Variants in AXDND1 observed in about 807,000 individuals in gnomAD.
The protein encoded by AXDND1 is axonemal dynein light chain domain containing 1.
A neutral mutation model predicts 137.5 loss-of-function variants in AXDND1; 110 were observed. The observed-to-expected ratio is 0.80, with a 90% CI of 0.69 to 0.94. The LOEUF (loss-of-function observed/expected upper bound fraction) is 0.94. Ranked by LOEUF, AXDND1 falls within the 40% of genes least tolerant of loss-of-function variation. The pLI is 0.00. For missense variants in AXDND1, 1,191 were observed against 1,169.8 expected (o/e 1.02, Z -0.26); for synonymous variants, 414 against 399.7 (o/e 1.04, Z -0.43).
Position 179,447,855 on chromosome 1 carries a change from A to G in AXDND1, c.1798+2651A>G, listed in dbSNP as rs1659963660. 12 of 1,327,492 alleles carry G rather than the reference A, an allele frequency of 9.0e-6. No homozygotes were observed. The South Asian group carries it at 1.3e-4, about 14-fold the overall frequency. 82.2% of individuals were successfully genotyped at this position (1,327,492 alleles called of 1,614,324 possible). On this transcript the variant is annotated intron_variant, in intron 16 of 25. Transcript: ENST00000367618. ...TGCCCAACATCCCACCTGCATTGCC[A>G]GTACTTGGTGGTCTCTGAGGAGCTC...
intron 4 of AXDND1, among the ~76,000 whole-genome samples, chr1:179,375,581 T>C (rs1287168722): frequency 6.7e-6 from 1 of 148,366 alleles, no homozygotes; most frequent in African/African-American, 2.5e-5. Flanking sequence ...TACATATATG[T>C]ACATATATGT....
At position 179,554,608 on chromosome 1, in the gene AXDND1, G is replaced by T. The variant is rs1485986954; in HGVS notation, c.*89G>T. 46 of 1,585,732 alleles carry T rather than the reference G, an allele frequency of 2.9e-5. No homozygotes were observed. The highest frequency in any genetic ancestry group is 1.7e-4 in the Middle Eastern group (1 of 6,024). On this transcript the variant is annotated 3_prime_UTR_variant, in exon 26 of 26. Transcript: ENST00000367618. ...GCATGCCTAAACCCTGGTGGCCATT[G>T]TTCTGTACTAAGGAACAACATTCCC...
chr1:179,488,632 C>CCTT (rs1666377801), intron 18 of AXDND1, among the ~76,000 whole-genome samples: 3 of 63,120 alleles, frequency 4.8e-5, no homozygotes, highest in African/African-American at 1.8e-4. Flanking sequence ...CTCTCTCTCT[C>CCTT]TCCTTTCTTT....
chr1:179,477,676 T>A (rs1337365565), intron 17 of AXDND1, among the ~76,000 whole-genome samples: 1 of 152,096 alleles, frequency 6.6e-6, no homozygotes, highest in Non-Finnish European at 1.5e-5. Context: ...ACCATATCAT[T>A]TTGCCCCTGG....
chr1:179,508,571 C>T (rs1668744292), intron 20 of AXDND1, among the ~76,000 whole-genome samples: 1 of 152,036 alleles, frequency 6.6e-6, no homozygotes. Context: ...GTTAGGAGAT[C>T]TTGGTAAATA....
rs554274537 is a variant in AXDND1, at chr1:179,433,107, G to A, written c.1563+765G>A. On this transcript the variant is annotated intron_variant, in intron 15 of 25. Coordinates refer to ENST00000367618, the MANE Select transcript of AXDND1 (RefSeq NM_144696.6). ...CTTACTGGTTTCGTCTTGGGAGGGT[G>A]ATGTGTCCAGGAATTTATCCGTTTC... Among the ~76,000 whole-genome samples, 19 of 152,154 alleles carry A rather than the reference G, an allele frequency of 1.2e-4. No homozygotes were observed. In the East Asian group the frequency reaches 3.7e-3, roughly 29 times the overall value.
At chr1:179,457,376 G>A (rs1661569197) in intron 16 of AXDND1, 3 of 440,682 alleles carry the variant, frequency 6.8e-6, no homozygotes, top group Admixed American at 6.0e-5. Flanking sequence ...TTCTTCGGCG[G>A]CGTCCAGGGG....
At chr1:179,551,511 T>G in intron 25 of AXDND1, 1 of 1,595,482 alleles carries the variant, frequency 6.3e-7, no homozygotes, top group Non-Finnish European at 8.6e-7. Flanking sequence ...GCTTCACCAC[T>G]ATGCAGTATG....
At chr1:179,502,700 T>C (rs780590961) in intron 20 of AXDND1, among the ~76,000 whole-genome samples, 7 of 152,028 alleles carry the variant, frequency 4.6e-5, no homozygotes, top group Non-Finnish European at 8.8e-5. Flanking sequence ...CAGTTGACAT[T>C]ATCTGTTAAA....
chr1:179,488,588 CTCTT>C (rs143458024), intron 18 of AXDND1, among the ~76,000 whole-genome samples: 64,061 of 134,914 alleles, frequency 0.47, 18,199 homozygotes, highest in East Asian at 0.7. Context: ...CTTTCTCTCT[CTCTT>C]TCTTTCTTTC....
intron 16 of AXDND1, chr1:179,450,538 G>A (rs1472684902): frequency 7.2e-6 from 1 of 138,580 alleles, no homozygotes; most frequent in East Asian, 1.9e-4. Flanking sequence ...ACATGAAAAT[G>A]TGTGGGATTT....
intron 6 of AXDND1, among the ~76,000 whole-genome samples, chr1:179,382,223 C>T (rs1648478017): frequency 6.6e-6 from 1 of 150,738 alleles, no homozygotes; most frequent in South Asian, 2.1e-4. Flanking sequence ...GGATTACAGG[C>T]GCCTGCCACC....
At chr1:179,535,160 C>A in intron 25 of AXDND1, 198 bp downstream of exon 25, 2 of 720,674 alleles carry the variant, frequency 2.8e-6, no homozygotes, top group Non-Finnish European at 4.4e-6. Flanking sequence ...AAATGAATAA[C>A]AATTGTGAAT....
intron 20 of AXDND1, among the ~76,000 whole-genome samples, chr1:179,501,417 A>C (rs989307967): frequency 2.0e-5 from 3 of 152,218 alleles, no homozygotes; most frequent in Admixed American, 2.0e-4. Flanking sequence ...CTTTCCAATT[A>C]AAAATACTAG....
intron 6 of AXDND1, among the ~76,000 whole-genome samples, chr1:179,381,943 A>AAT (rs768004608): frequency 1.1e-4 from 12 of 105,442 alleles, no homozygotes; most frequent in African/African-American, 4.4e-4. Flanking sequence ...ACCACACCTA[A>AAT]TTTTTTTTTT....
rs187293382 is a variant in AXDND1, at chr1:179,489,895, C to T, written c.2092-1643C>T. Among the ~76,000 whole-genome samples the T allele has an allele frequency of 3.9e-3, 599 of 152,082 alleles. 4 individuals carry two copies. Among genetic ancestry groups the T allele is most frequent in the African/African-American group, 0.014 (571 of 41,482 alleles). On this transcript the variant is annotated intron_variant, in intron 18 of 25. Transcript: ENST00000367618. ...GAGTAGCTGGGACTATAGGCGCCCA[C>T]CACCCCGCCCGACTAATTTTTTGTA...
At chr1:179,494,973 C>T (rs1219738740) in intron 20 of AXDND1, among the ~76,000 whole-genome samples, 1 of 152,178 alleles carries the variant, frequency 6.6e-6, no homozygotes, top group East Asian at 1.9e-4. Flanking sequence ...TGTACTTTCT[C>T]TATTGAGATG....
chr1:179,535,795 C>T (rs1671496191), intron 25 of AXDND1, among the ~76,000 whole-genome samples: 2 of 152,190 alleles, frequency 1.3e-5, no homozygotes, highest in African/African-American at 4.8e-5. Flanking sequence ...TGAGGAATCG[C>T]CACACTGTCT....
intron 21 of AXDND1, among the ~76,000 whole-genome samples, chr1:179,523,868 C>G (rs1219654368): frequency 1.3e-5 from 2 of 152,114 alleles, no homozygotes; most frequent in Admixed American, 6.6e-5. Context: ...CACCTCCCAC[C>G]CTTTTCCCCT....
Sources: allele counts gnomAD v4.1 joint callset (sites outside exome capture counted in the v4.1 genomes callset), GRCh38; gene constraint gnomAD v4.1.1; transcripts MANE v1.5; gene names NCBI Gene and HGNC (gene_info 2026-07-23, HGNC 2026-07-21).